The following SELENOI variants were observed in gnomAD, a reference collection of about 807,000 sequenced individuals.
The protein encoded by SELENOI is selenoprotein I.
In SELENOI, 24 loss-of-function variants were observed where a neutral mutation model predicts 50.7. The observed-to-expected ratio is 0.47, with a 90% CI of 0.34 to 0.67. The LOEUF (loss-of-function observed/expected upper bound fraction) is 0.67. SELENOI is among the 30% of genes least tolerant of loss of function. The pLI is 0.01. For synonymous variants in SELENOI, 155 were observed against 170.2 expected (o/e 0.91, Z 0.70); for missense variants, 352 against 461.4 (o/e 0.76, Z 2.17).
At chr2:26,365,029 A>G in intron 3 of SELENOI, 89 bp downstream of exon 3, 1 of 972,650 alleles carries the variant, frequency 1.0e-6, no homozygotes, top group Non-Finnish European at 1.5e-6. Flanking sequence ...AAATGTTCAT[A>G]TTTCTAAAAA....
At chr2:26,379,445 A>G (rs1423605426) in intron 6 of SELENOI, among the ~76,000 whole-genome samples, 1 of 151,892 alleles carries the variant, frequency 6.6e-6, no homozygotes, top group East Asian at 1.9e-4. Context: ...CCTATAAACA[A>G]TAGTTAGATC....
chr2:26,374,233 T>C (rs1170779720), intron 5 of SELENOI, among the ~76,000 whole-genome samples: 1 of 152,256 alleles, frequency 6.6e-6, no homozygotes, highest in African/African-American at 2.4e-5. Flanking sequence ...AAGAAAGATA[T>C]GCACATATAA....
At position 26,391,207 on chromosome 2, in the gene SELENOI, A is replaced by G. The variant is rs1379003384; in HGVS notation, c.*2104A>G. On this transcript the variant is annotated 3_prime_UTR_variant, in exon 10 of 10. Coordinates refer to ENST00000260585, the MANE Select transcript of SELENOI (RefSeq NM_033505.4). ...TTATGACTTGTTTCCCTATGGTGGT[A>G]AAGAATGATGCCATAGTCAGTTTTA... 6.6e-6 allele frequency: 1 copy of G among 152,196 alleles called. No homozygotes were observed. Among genetic ancestry groups the G allele is most frequent in the African/African-American group, 2.4e-5 (1 of 41,450 alleles). 9.4% of individuals were successfully genotyped at this position (152,196 alleles called of 1,614,324 possible).
intron 1 of SELENOI, 48 bp downstream of exon 1, chr2:26,346,337 A>C (rs1388356718): frequency 6.4e-7 from 1 of 1,573,254 alleles, no homozygotes; most frequent in Admixed American, 1.8e-5. Context: ...GGCCTCGCCC[A>C]GGCGGCTGAG....
At chr2:26,382,654 A>G (rs1224508253) in intron 6 of SELENOI, among the ~76,000 whole-genome samples, 1 of 152,066 alleles carries the variant, frequency 6.6e-6, no homozygotes, top group African/African-American at 2.4e-5. Context: ...GTTTATGGGG[A>G]GAGAACCAGT....
chr2:26,380,490 C>G (rs56288595), intron 6 of SELENOI, among the ~76,000 whole-genome samples: 1 of 152,206 alleles, frequency 6.6e-6, no homozygotes, highest in Non-Finnish European at 1.5e-5. Flanking sequence ...CCTGGCACTT[C>G]ATTGTGTGGA....
rs1415815001 is a variant in SELENOI at position 26,392,374 on chromosome 2, C to T, written c.*3271C>T. ...CAGTCAAAATGCATTTGGAATGTACCTTGCTTCCATAACAGACTTTGACTC... is the reference window on the plus strand; with the variant it reads ...CAGTCAAAATGCATTTGGAATGTACTTTGCTTCCATAACAGACTTTGACTC... On this transcript the variant is annotated 3_prime_UTR_variant, in exon 10 of 10. Coordinates refer to ENST00000260585, the MANE Select transcript of SELENOI (RefSeq NM_033505.4). 1 of 152,142 alleles carries T rather than the reference C, an allele frequency of 6.6e-6. No homozygotes were observed. The highest frequency in any genetic ancestry group is 1.9e-4 in the East Asian group (1 of 5,204). The allele number at this position is 152,142 out of a possible 1,614,324, so 9.4% of individuals were successfully genotyped here. A position where few individuals can be genotyped will look rare whatever the true frequency, so the allele number is the denominator to read the frequency against.
At chr2:26,371,342 C>T (rs1424959509) in intron 4 of SELENOI, among the ~76,000 whole-genome samples, 1 of 149,068 alleles carries the variant, frequency 6.7e-6, no homozygotes, top group Non-Finnish European at 1.5e-5. Context: ...CCAGACGGGG[C>T]GGCGGGGCAG....
intron 6 of SELENOI, among the ~76,000 whole-genome samples, chr2:26,378,800 C>T (rs1677622096): frequency 6.6e-6 from 1 of 152,240 alleles, no homozygotes; most frequent in Non-Finnish European, 1.5e-5. Context: ...CCATCATTAA[C>T]AGATGCCTTC....
In SELENOI at chr2:26,393,086, TATTG is replaced by T. The variant is rs1462565535; in HGVS notation, c.*3987_*3990del. 1 of 152,680 alleles carries T rather than the reference TATTG, an allele frequency of 6.5e-6. No homozygotes were observed. 9.5% of individuals were successfully genotyped at this position (152,680 alleles called of 1,614,324 possible). A position where few individuals can be genotyped will look rare whatever the true frequency, so the allele number is the denominator to read the frequency against. ...CTTAAGTAAATTTCTGATTTTCCTT[TATTG>T]ATTATGTAACCCACGTGATTTGCAT... On this transcript the variant is annotated 3_prime_UTR_variant, in exon 10 of 10. Transcript: ENST00000260585.
At chr2:26,365,000 T>G in intron 3 of SELENOI, 60 bp downstream of exon 3, 2 of 1,235,992 alleles carry the variant, frequency 1.6e-6, no homozygotes, top group Non-Finnish European at 2.2e-6. Context: ...ATGTGGATGC[T>G]TATTTTCTGG....
intron 4 of SELENOI, among the ~76,000 whole-genome samples, chr2:26,373,015 A>G (rs1461408592): frequency 6.6e-6 from 1 of 152,176 alleles, no homozygotes; most frequent in Non-Finnish European, 1.5e-5. Flanking sequence ...CAGCCTCCTG[A>G]GTAGCAGGAA....
intron 1 of SELENOI, among the ~76,000 whole-genome samples, chr2:26,349,378 C>T (rs1488229147): frequency 6.7e-6 from 1 of 150,082 alleles, no homozygotes; most frequent in African/African-American, 2.5e-5. Flanking sequence ...GCGATCTCAG[C>T]TCACTGCAGC....
chr2:26,370,402 G>T (rs1356046682), intron 4 of SELENOI, among the ~76,000 whole-genome samples: 1 of 151,830 alleles, frequency 6.6e-6, no homozygotes, highest in Admixed American at 6.5e-5. Context: ...TGGTGGCCGG[G>T]CAGAGGGGCT....
chr2:26,388,530 A>C (rs1447550709), intron 9 of SELENOI, among the ~76,000 whole-genome samples: 2 of 152,228 alleles, frequency 1.3e-5, no homozygotes, highest in African/African-American at 4.8e-5. Flanking sequence ...AGTAAATGAC[A>C]TGCACTCGCT....
intron 7 of SELENOI, among the ~76,000 whole-genome samples, chr2:26,384,447 G>A (rs954073112): frequency 2.6e-5 from 4 of 152,188 alleles, no homozygotes; most frequent in Non-Finnish European, 2.9e-5. Context: ...CTGAGCAGGC[G>A]TGTATTGTAT....
intron 1 of SELENOI, among the ~76,000 whole-genome samples, chr2:26,360,264 A>AAT (rs567904638): frequency 1.3e-5 from 2 of 152,194 alleles, no homozygotes; most frequent in Non-Finnish European, 2.9e-5. Context: ...GACCTTGAAA[A>AAT]ATACTCAGGT....
chr2:26,388,951 TAAAAAAC>T, intron 9 of SELENOI, 47 bp from the exon 10 acceptor site: 1 of 1,372,280 alleles, frequency 7.3e-7, no homozygotes, highest in Non-Finnish European at 1.0e-6. Context: ...TGTGTGCTTT[TAAAAAAC>T]AATAAGGTAC....
At position 26,392,652 on chromosome 2, in the gene SELENOI, CA is replaced by C. The variant is rs1218255629; in HGVS notation, c.*3550del. On this transcript the variant is annotated 3_prime_UTR_variant, in exon 10 of 10. Transcript: ENST00000260585. Reference sequence around the variant, plus strand: ...GACTAGTCAAGGACTGGGAACGTGCCAGGGGGAACAAAGTAAGCTTGATGGG... The same window carrying C: ...GACTAGTCAAGGACTGGGAACGTGCCGGGGGAACAAAGTAAGCTTGATGGG... 1.3e-5 allele frequency: 2 copies of C among 152,182 alleles called. No homozygotes were observed. The highest frequency in any genetic ancestry group is 2.4e-5 in the African/African-American group (1 of 41,438). 9.4% of individuals were successfully genotyped at this position (152,182 alleles called of 1,614,324 possible). A position where few individuals can be genotyped will look rare whatever the true frequency, so the allele number is the denominator to read the frequency against.
Sources: gnomAD v4.1 joint callset for allele counts (sites outside exome capture counted in the v4.1 genomes callset) on GRCh38, gnomAD v4.1.1 for gene constraint, MANE v1.5 for transcripts, NCBI Gene and HGNC (gene_info 2026-07-23, HGNC 2026-07-21) for gene names.